AUTS2: variants seen among roughly 807,000 people sequenced by gnomAD.
AUTS2 encodes activator of transcription and developmental regulator AUTS2, also known as autism susceptibility gene 2 protein.
AUTS2 carries 17 observed loss-of-function variants against 112.4 expected under a neutral mutation model. The ratio of observed to expected loss-of-function variants is 0.15; its 90% CI spans 0.10 to 0.23. The LOEUF is 0.23. AUTS2 is among the 10% of genes least tolerant of loss of function. AUTS2 has a pLI of 1.00. For missense variants in AUTS2, 1,510 were observed against 1,701.6 expected (o/e 0.89, Z 1.98); for synonymous variants, 751 against 702.7 (o/e 1.07, Z -1.09).
At chr7:70,659,308 A>AC (rs1298734765) in intron 5 of AUTS2, among the ~76,000 whole-genome samples, 1 of 152,008 alleles carries the variant, frequency 6.6e-6, no homozygotes, top group African/African-American at 2.4e-5. Context: ...AACATACTAA[A>AC]CCTGGGCCCT....
At chr7:70,671,116 G>A (rs1053500597) in intron 5 of AUTS2, among the ~76,000 whole-genome samples, 10 of 152,166 alleles carry the variant, frequency 6.6e-5, no homozygotes, top group Admixed American at 2.6e-4. Context: ...ATGGGGACAC[G>A]GAGGTAGCAG....
intron 5 of AUTS2, among the ~76,000 whole-genome samples, chr7:70,573,935 A>G (rs1802053110): frequency 6.6e-6 from 1 of 152,154 alleles, no homozygotes; most frequent in Non-Finnish European, 1.5e-5. Flanking sequence ...GATCTTGCTG[A>G]AATTTGGGGG....
At chr7:69,816,374 C>G (rs1790763184) in intron 1 of AUTS2, among the ~76,000 whole-genome samples, 1 of 152,196 alleles carries the variant, frequency 6.6e-6, no homozygotes. Flanking sequence ...CTCAGTTATT[C>G]TGGCTAAGAT....
chr7:70,625,432 C>A (rs912364672), intron 5 of AUTS2, among the ~76,000 whole-genome samples: 1 of 152,204 alleles, frequency 6.6e-6, no homozygotes, highest in Non-Finnish European at 1.5e-5. Context: ...CACAGCTCTG[C>A]CATGGGGGAC....
chr7:70,709,476 C>T (rs938132225), intron 6 of AUTS2, among the ~76,000 whole-genome samples: 1 of 151,928 alleles, frequency 6.6e-6, no homozygotes, highest in South Asian at 2.1e-4. Context: ...TCTGGGAGGC[C>T]GAGGCGGGCG....
At chr7:70,418,304 C>T (rs1795077027) in intron 4 of AUTS2, among the ~76,000 whole-genome samples, 1 of 152,094 alleles carries the variant, frequency 6.6e-6, no homozygotes, top group East Asian at 1.9e-4. Flanking sequence ...CGATGCTAAG[C>T]ATGTATTGGG....
intron 5 of AUTS2, among the ~76,000 whole-genome samples, chr7:70,662,218 G>A (rs1439764609): frequency 6.6e-6 from 1 of 152,222 alleles, no homozygotes; most frequent in Non-Finnish European, 1.5e-5. Context: ...TTGCACAGTG[G>A]CAGCGTGCTT....
chr7:69,627,196 C>A (rs1281576473), intron 1 of AUTS2, among the ~76,000 whole-genome samples: 1 of 152,096 alleles, frequency 6.6e-6, no homozygotes, highest in Admixed American at 6.6e-5. Flanking sequence ...AGCAGTTAAA[C>A]CAGACACTTT....
In AUTS2 at chr7:70,088,543, A is replaced by G. The variant is rs1315064299; in HGVS notation, c.523-29589A>G. Among the ~76,000 whole-genome samples, 14 of 96,878 alleles carry G rather than the reference A, an allele frequency of 1.4e-4. No homozygotes were observed. In the South Asian group the frequency reaches 2.9e-3, roughly 20 times the overall value. 63.6% of individuals were successfully genotyped at this position (96,878 alleles called of 152,430 possible). Reference sequence around the variant, plus strand: ...TTTTGCTCTCTTTTTTTTTTTTTTTAGTTTCTTATGATGGAAGCTGAAGGC... The same window carrying G: ...TTTTGCTCTCTTTTTTTTTTTTTTTGGTTTCTTATGATGGAAGCTGAAGGC... On this transcript the variant is annotated intron_variant, in intron 2 of 18. Coordinates refer to ENST00000342771, the MANE Select transcript of AUTS2 (RefSeq NM_015570.4).
At chr7:70,616,298 C>T (rs1804362435) in intron 5 of AUTS2, among the ~76,000 whole-genome samples, 1 of 152,190 alleles carries the variant, frequency 6.6e-6, no homozygotes, top group Non-Finnish European at 1.5e-5. Flanking sequence ...TCACCAGCCC[C>T]ATGTGGCAGG....
chr7:70,055,848 A>AT (rs555333017), intron 2 of AUTS2, among the ~76,000 whole-genome samples: 2 of 151,688 alleles, frequency 1.3e-5, no homozygotes, highest in African/African-American at 2.4e-5. Flanking sequence ...TTCCTATCTA[A>AT]TTTTTTTTAT....
chr7:69,647,678 G>C (rs759039903), intron 1 of AUTS2, among the ~76,000 whole-genome samples: 7 of 152,166 alleles, frequency 4.6e-5, no homozygotes, highest in Non-Finnish European at 1.0e-4. Flanking sequence ...ACTCTTAATA[G>C]AAGCTTGTAT....
At chr7:70,564,550 A>G (rs1243218483) in intron 5 of AUTS2, among the ~76,000 whole-genome samples, 1 of 152,206 alleles carries the variant, frequency 6.6e-6, no homozygotes, top group African/African-American at 2.4e-5. Context: ...GTCTATTAAT[A>G]TATTCACCAT....
chr7:69,721,823 A>T (rs1798960589), intron 1 of AUTS2, among the ~76,000 whole-genome samples: 2 of 152,144 alleles, frequency 1.3e-5, no homozygotes, highest in South Asian at 2.1e-4. Flanking sequence ...AGTTGGAGAG[A>T]TGTAGAAATG....
intron 5 of AUTS2, among the ~76,000 whole-genome samples, chr7:70,567,934 G>A (rs1052842646): frequency 6.6e-6 from 1 of 152,122 alleles, no homozygotes; most frequent in East Asian, 1.9e-4. Flanking sequence ...CACCATATGA[G>A]CAACAACACT....
At chr7:69,830,541 A>AG (rs1218893210) in intron 1 of AUTS2, among the ~76,000 whole-genome samples, 8 of 152,190 alleles carry the variant, frequency 5.3e-5, no homozygotes, top group Non-Finnish European at 8.8e-5. Context: ...AATATTTTCT[A>AG]GTTGGTTTTA....
Position 70,766,187 on chromosome 7 carries a change from G to A in AUTS2, c.1542G>A (p.Leu514=), listed in dbSNP as rs910374594. Residue 514 remains leucine (L), a synonymous_variant, in exon 9 of 19, where the codon CTG becomes CTA. Transcript: ENST00000342771. The surrounding 1 kb of genome is among the most constrained non-coding windows in gnomAD (Gnocchi z 4.8). ...AGAGTGCTGACCGCGGGGCTTCCCTGGGCCCTCCGCCCTACCTGCGGACCG... is the reference window on the plus strand; with the variant it reads ...AGAGTGCTGACCGCGGGGCTTCCCTAGGCCCTCCGCCCTACCTGCGGACCG... ...ASQSADRGAS[L]GPPPYLRTEF... is the part of the protein sequence containing the mutation. 1 of 1,613,978 alleles carries A rather than the reference G, an allele frequency of 6.2e-7. No homozygotes were observed. Among genetic ancestry groups the A allele is most frequent in the African/African-American group, 1.3e-5 (1 of 74,880 alleles).
chr7:70,013,163 C>T (rs1338425184), intron 2 of AUTS2, among the ~76,000 whole-genome samples: 1 of 152,154 alleles, frequency 6.6e-6, no homozygotes, highest in Non-Finnish European at 1.5e-5. Flanking sequence ...CTGTACCTAC[C>T]TGTGATGCGA....
intron 2 of AUTS2, among the ~76,000 whole-genome samples, chr7:70,100,892 T>C (rs1040951394): frequency 2.6e-5 from 4 of 152,096 alleles, no homozygotes; most frequent in Non-Finnish European, 5.9e-5. Flanking sequence ...GTTTTTGTTT[T>C]TTTGAGACAG....
Sources: gnomAD v4.1 joint callset for allele counts (sites outside exome capture counted in the v4.1 genomes callset) on GRCh38, gnomAD v4.1.1 for gene constraint, Gnocchi (gnomAD v3.1) non-coding constraint, MANE v1.5 for transcripts, NCBI Gene and HGNC (gene_info 2026-07-23, HGNC 2026-07-21) for gene names.